The following ZNF718 variants were observed in gnomAD, a reference collection of about 807,000 sequenced individuals.
The protein encoded by ZNF718 is zinc finger protein 718.
ZNF718 carries 3 observed loss-of-function variants against 2.6 expected under a neutral mutation model. The observed-to-expected ratio is 1.16, with a 90% confidence interval of 0.53 to 3.01. ZNF718 has a LOEUF of 3.01. Among genes scored for constraint, ZNF718 ranks in the 30% most tolerant of loss-of-function variants. The probability of loss-of-function intolerance (pLI) is 0.03; values close to 1 mark genes in which losing one functional copy is unlikely to be tolerated. For synonymous variants in ZNF718, 135 were observed against 77.9 expected (o/e 1.73, Z -3.86); for missense variants, 468 against 230.0 (o/e 2.03, Z -6.69).
chr4:175,949 C>A (rs1363064114), intron 3 of ZNF718, among the ~76,000 whole-genome samples: 1 of 151,260 alleles, frequency 6.6e-6, no homozygotes, highest in East Asian at 2.0e-4. Flanking sequence ...CTCCGCCTCC[C>A]AGGTTCATGC....
rs1316522027 is a variant in ZNF718, at chr4:133,216, A to G, written c.226+1711A>G. Reference sequence around the variant, plus strand: ...AAAAAATATATATATATATATATATATATATATATATATGGTAACACTAAT... The same window carrying G: ...AAAAAATATATATATATATATATATGTATATATATATATGGTAACACTAAT... On this transcript the variant is annotated intron_variant, in intron 3 of 3. Transcript: ENST00000510175. Among the ~76,000 whole-genome samples the G allele has an allele frequency of 6.9e-5, 2 of 28,844 alleles. 1 individual carries two copies. The highest frequency in any genetic ancestry group is 8.9e-3 in the East Asian group (2 of 224). 18.9% of individuals were successfully genotyped at this position (28,844 alleles called of 152,430 possible). A position where few individuals can be genotyped will look rare whatever the true frequency, so the allele number is the denominator to read the frequency against.
intron 3 of ZNF718, among the ~76,000 whole-genome samples, chr4:174,885 GTCC>G (rs1324490480): frequency 2.0e-5 from 3 of 152,244 alleles, no homozygotes; most frequent in African/African-American, 4.8e-5. Flanking sequence ...ACTTTTTACA[GTCC>G]TCCTGAAGGC....
chr4:193,071 G>A (rs143367202), intron 3 of ZNF718, among the ~76,000 whole-genome samples: 2 of 152,174 alleles, frequency 1.3e-5, no homozygotes, highest in Non-Finnish European at 2.9e-5. Context: ...CTGAGGGGAG[G>A]AAACTATGTC....
At chr4:143,022 C>T (rs1715880968) in intron 3 of ZNF718, among the ~76,000 whole-genome samples, 1 of 152,184 alleles carries the variant, frequency 6.6e-6, no homozygotes, top group African/African-American at 2.4e-5. Flanking sequence ...CATATGGTCT[C>T]TCTTCAACTA....
rs1162023554 is a variant in ZNF718, at chr4:128,138, T to C, written c.4-2650T>C. Among the ~76,000 whole-genome samples the C allele has an allele frequency of 9.6e-5, 10 of 104,596 alleles. 2 individuals are homozygous for C. The highest frequency in any genetic ancestry group is 1.7e-4 in the Non-Finnish European group (8 of 46,860). 68.6% of individuals were successfully genotyped at this position (104,596 alleles called of 152,430 possible). ...AGAGGCACATTGATCCCACCTAGAA[T>C]CTGCATACAAAAGTTGGCCTCTGCC... On this transcript the variant is annotated intron_variant, in intron 1 of 3. Coordinates refer to ENST00000510175, the MANE Select transcript of ZNF718 (RefSeq NM_001039127.6).
At chr4:176,934 T>C (rs1717356410) in intron 3 of ZNF718, among the ~76,000 whole-genome samples, 1 of 152,206 alleles carries the variant, frequency 6.6e-6, no homozygotes, top group Non-Finnish European at 1.5e-5. Flanking sequence ...GCATTCATTC[T>C]TGTTTATGGA....
chr4:200,423 C>G lies in ZNF718; in HGVS notation c.227-658C>G, dbSNP rs527435408. Among the ~76,000 whole-genome samples, 44 of 152,280 alleles carry G rather than the reference C, an allele frequency of 2.9e-4. 1 individual carries two copies. Among genetic ancestry groups the G allele is most frequent in the South Asian group, 6.2e-4 (3 of 4,826 alleles). ...AGCTGGGATTACAGGCATGTGCCAC[C>G]ATGTCCAGCTAATTTTTGTATTTTT... On this transcript the variant is annotated intron_variant and NMD_transcript_variant, in intron 3 of 4. Transcript: ENST00000642529.
chr4:178,900 A>G (rs1717400937), intron 3 of ZNF718, among the ~76,000 whole-genome samples: 1 of 152,218 alleles, frequency 6.6e-6, no homozygotes, highest in Admixed American at 6.5e-5. Flanking sequence ...AAAGTTTGAT[A>G]TAGTACCATT....
In ZNF718 at chr4:155,598, A is replaced by C. The variant is rs114818576; in HGVS notation, c.227-5314A>C. Among the ~76,000 whole-genome samples the C allele has an allele frequency of 3.3e-3, 499 of 152,282 alleles. 4 individuals carry two copies. Among genetic ancestry groups the C allele is most frequent in the African/African-American group, 0.012 (487 of 41,542 alleles). ...TTTTGGCCAATTTCTCTTACTTGGT[A>C]TGGGTGTATTTACCCAATGCCTGCA... On this transcript the variant is annotated intron_variant, in intron 3 of 3. Coordinates refer to ENST00000510175, the MANE Select transcript of ZNF718 (RefSeq NM_001039127.6).
chr4:195,642 T>G (rs1197745497), intron 3 of ZNF718, among the ~76,000 whole-genome samples: 1 of 152,174 alleles, frequency 6.6e-6, no homozygotes, highest in African/African-American at 2.4e-5. Flanking sequence ...ACAATGAGGT[T>G]TCCTCTAAAA....
downstream of ZNF718, among the ~76,000 whole-genome samples, chr4:165,550 G>A (rs1717066774): frequency 2.0e-5 from 3 of 152,220 alleles, no homozygotes; most frequent in African/African-American, 7.2e-5. Context: ...TGTAATCCCA[G>A]CACTCTGGGA....
intron 1 of ZNF718, among the ~76,000 whole-genome samples, chr4:125,679 G>A (rs1359483546): frequency 6.6e-6 from 1 of 152,202 alleles, no homozygotes; most frequent in Non-Finnish European, 1.5e-5. Flanking sequence ...GGAGAAAGGG[G>A]ACTGGGAACT....
downstream of ZNF718, among the ~76,000 whole-genome samples, chr4:167,897 A>G (rs530269334): frequency 3.3e-5 from 5 of 152,050 alleles, 1 homozygote; most frequent in Admixed American, 3.3e-4. Context: ...GTTGAATCGG[A>G]GTGGTGAGAG....
intron 3 of ZNF718, among the ~76,000 whole-genome samples, chr4:155,140 A>T (rs1291110444): frequency 6.6e-6 from 1 of 151,214 alleles, no homozygotes; most frequent in Non-Finnish European, 1.5e-5. Flanking sequence ...ACATTTCAGA[A>T]TATGTATACA....
intron 3 of ZNF718, among the ~76,000 whole-genome samples, chr4:133,176 T>A (rs1715387668): frequency 9.5e-5 from 1 of 10,508 alleles, no homozygotes; most frequent in Non-Finnish European, 1.6e-4. Context: ...AGACTCCATC[T>A]TAAAAAAAAA....
downstream of ZNF718, among the ~76,000 whole-genome samples, chr4:167,589 G>A (rs1423722027): frequency 2.6e-5 from 4 of 152,024 alleles, no homozygotes; most frequent in Non-Finnish European, 5.9e-5. Flanking sequence ...TTGATTCCTA[G>A]GTATTTTATT....
At chr4:193,859 C>G (rs930148680) in intron 3 of ZNF718, among the ~76,000 whole-genome samples, 2 of 152,200 alleles carry the variant, frequency 1.3e-5, no homozygotes, top group Non-Finnish European at 2.9e-5. Context: ...TCCCCTGGGG[C>G]AGTGGGCCTT....
intron 3 of ZNF718, among the ~76,000 whole-genome samples, chr4:148,711 G>C (rs1716183477): frequency 6.6e-6 from 1 of 151,948 alleles, no homozygotes; most frequent in African/African-American, 2.4e-5. Flanking sequence ...GTGTGTGCAG[G>C]ATTTCTTCCA....
chr4:199,105 G>T (rs1393717990), intron 3 of ZNF718, among the ~76,000 whole-genome samples: 1 of 152,200 alleles, frequency 6.6e-6, no homozygotes, highest in Non-Finnish European at 1.5e-5. Context: ...AGGCAAGCTG[G>T]CTGGGTTTAG....
Sources: allele counts gnomAD v4.1 joint callset (sites outside exome capture counted in the v4.1 genomes callset), GRCh38; gene constraint gnomAD v4.1.1; transcripts MANE v1.5; gene names NCBI Gene and HGNC (gene_info 2026-07-23, HGNC 2026-07-21).